Variants in PLPPR1 observed in about 807,000 individuals in gnomAD.
PLPPR1 encodes phospholipid phosphatase-related protein type 1.
PLPPR1 carries 10 observed loss-of-function variants against 33.1 expected under a neutral mutation model. That is an observed-to-expected ratio of 0.30 (90% confidence interval 0.19 to 0.51). The LOEUF is 0.51. Among genes scored for constraint, PLPPR1 ranks in the 20% least tolerant of loss-of-function variants. The pLI is 0.97. For synonymous variants in PLPPR1, 151 were observed against 151.0 expected (o/e 1.00, Z 0.00); for missense variants, 304 against 408.1 (o/e 0.74, Z 2.20).
intron 2 of PLPPR1, among the ~76,000 whole-genome samples, chr9:101,223,766 T>C (rs974588629): frequency 2.6e-5 from 4 of 152,132 alleles, no homozygotes; most frequent in African/African-American, 9.7e-5. Context: ...CATGCAGAAC[T>C]GAGTCAATTA....
At chr9:101,215,961 C>T (rs1826785985) in intron 2 of PLPPR1, among the ~76,000 whole-genome samples, 2 of 152,096 alleles carry the variant, frequency 1.3e-5, no homozygotes, top group Non-Finnish European at 2.9e-5. Flanking sequence ...AGGAGTGTAG[C>T]TATCTCTTTG....
At position 101,309,198 on chromosome 9, in the gene PLPPR1, A is replaced by C. The variant is rs1240216325; in HGVS notation, c.386-13A>C. 6.2e-7 allele frequency: 1 copy of C among 1,613,898 alleles called. No individual in the cohort carries two copies. Among genetic ancestry groups the C allele is most frequent in the South Asian group, 1.1e-5 (1 of 91,038 alleles). The stretch of plus-strand genomic sequence containing the variant: ...TATGTTACCATTCCTAATGATTTTA[A>C]ATCTTCTTATAGGGGTGTTTGCATT... On this transcript the variant is annotated splice_polypyrimidine_tract_variant and intron_variant, in intron 4 of 7. Coordinates refer to ENST00000374874, the MANE Select transcript of PLPPR1 (RefSeq NM_207299.2).
intron 5 of PLPPR1, among the ~76,000 whole-genome samples, chr9:101,309,837 C>T (rs1234793521): frequency 6.6e-6 from 1 of 152,080 alleles, no homozygotes; most frequent in Non-Finnish European, 1.5e-5. Context: ...TCAAGGTTTT[C>T]GTTGGTTTCG....
chr9:101,268,244 TAAAAATATACATAA>T (rs199632181), intron 2 of PLPPR1, among the ~76,000 whole-genome samples: 2,549 of 129,766 alleles, frequency 0.02, 29 homozygotes, highest in Middle Eastern at 0.094. Flanking sequence ...TAAAGTAAAA[TAAAAATATACATAA>T]AAAAAATAAA....
chr9:101,102,301 C>T (rs1205686616), intron 1 of PLPPR1, among the ~76,000 whole-genome samples: 7 of 112,394 alleles, frequency 6.2e-5, no homozygotes, highest in East Asian at 2.9e-4. Flanking sequence ...CCCCATCCCC[C>T]GACCCCACCA....
At chr9:101,132,704 T>C (rs567366250) in intron 1 of PLPPR1, among the ~76,000 whole-genome samples, 1 of 152,312 alleles carries the variant, frequency 6.6e-6, no homozygotes, top group East Asian at 1.9e-4. Flanking sequence ...GTTGCAATAC[T>C]GCACCACTCT....
At chr9:101,229,384 T>C (rs1191452781) in intron 2 of PLPPR1, among the ~76,000 whole-genome samples, 3 of 152,182 alleles carry the variant, frequency 2.0e-5, no homozygotes, top group Non-Finnish European at 4.4e-5. Flanking sequence ...TCCATGAGAA[T>C]ATACAAACTT....
chr9:101,059,718 C>A (rs1433939279), intron 1 of PLPPR1, among the ~76,000 whole-genome samples: 1 of 151,982 alleles, frequency 6.6e-6, no homozygotes, highest in East Asian at 1.9e-4. Context: ...TGACAAAATG[C>A]TGAATATCAC....
At position 101,271,230 on chromosome 9, in the gene PLPPR1, C is replaced by T. The variant is rs1406756028; in HGVS notation, c.252+1162C>T. 3.9e-5 allele frequency among the ~76,000 whole-genome samples: 6 copies of T among 152,298 alleles called. No individual in the cohort carries two copies. The East Asian group carries it at 1.2e-3, about 29-fold the overall frequency. On this transcript the variant is annotated intron_variant, in intron 3 of 7. Transcript: ENST00000374874. ...CTGCCTAACACACCTGGATTCACAT[C>T]CTGACTTTGGGCAAGTCACCTCACT...
At chr9:101,300,928 G>C (rs993179283) in intron 4 of PLPPR1, among the ~76,000 whole-genome samples, 3 of 152,220 alleles carry the variant, frequency 2.0e-5, no homozygotes, top group Admixed American at 2.0e-4. Context: ...GGTGGCAAGA[G>C]AGAAGGCTCA....
intron 2 of PLPPR1, among the ~76,000 whole-genome samples, chr9:101,228,320 C>T (rs1193670542): frequency 2.0e-5 from 3 of 152,132 alleles, no homozygotes; most frequent in Non-Finnish European, 4.4e-5. Flanking sequence ...TCAAATGCTC[C>T]TCGTACACAG....
intron 1 of PLPPR1, among the ~76,000 whole-genome samples, chr9:101,064,317 C>T (rs752460256): frequency 2.6e-5 from 4 of 151,850 alleles, no homozygotes; most frequent in Non-Finnish European, 5.9e-5. Flanking sequence ...CTAAACCTGG[C>T]TCAGAGTTTC....
chr9:101,093,564 C>G (rs955405368), intron 1 of PLPPR1, among the ~76,000 whole-genome samples: 1 of 152,216 alleles, frequency 6.6e-6, no homozygotes, highest in Admixed American at 6.5e-5. Flanking sequence ...TTTGATGCAT[C>G]TAGCAAACAT....
At position 101,233,580 on chromosome 9, in the gene PLPPR1, A is replaced by G. The variant is rs1223013108; in HGVS notation, c.64-36300A>G. Among the ~76,000 whole-genome samples, 3 of 151,980 alleles carry G rather than the reference A, an allele frequency of 2.0e-5. No homozygotes were observed. The East Asian group carries it at 5.8e-4, about 29-fold the overall frequency. ...GAGATGATTAGGCCATGAAGGCTCCACCTTCATGGGTGGGATTGGTGCATT... is the reference window on the plus strand; with the variant it reads ...GAGATGATTAGGCCATGAAGGCTCCGCCTTCATGGGTGGGATTGGTGCATT... On this transcript the variant is annotated intron_variant, in intron 2 of 7. Transcript: ENST00000374874.
intron 6 of PLPPR1, 43 bp from the exon 7 acceptor site, chr9:101,317,322 G>A: frequency 6.3e-7 from 1 of 1,588,968 alleles, no homozygotes; most frequent in Middle Eastern, 1.7e-4. Flanking sequence ...AGGCATTGAT[G>A]GCTGCAGTCT....
intron 1 of PLPPR1, among the ~76,000 whole-genome samples, chr9:101,139,428 C>T (rs117581184): frequency 0.032 from 4,801 of 152,262 alleles, 118 homozygotes; most frequent in Admixed American, 0.066. Flanking sequence ...ACTGGGCTTA[C>T]AGTTCTTTAC....
intron 1 of PLPPR1, among the ~76,000 whole-genome samples, chr9:101,171,541 T>C (rs1426235305): frequency 6.6e-6 from 1 of 152,160 alleles, no homozygotes; most frequent in East Asian, 1.9e-4. Flanking sequence ...AGAAGGGCAG[T>C]GCCAATGCCA....
At chr9:101,228,488 C>A (rs748376180) in intron 2 of PLPPR1, among the ~76,000 whole-genome samples, 1 of 151,856 alleles carries the variant, frequency 6.6e-6, no homozygotes, top group Admixed American at 6.6e-5. Flanking sequence ...CACTTAAAAG[C>A]GCGGTGTAAA....
At chr9:101,057,204 A>G (rs921756709) in intron 1 of PLPPR1, among the ~76,000 whole-genome samples, 3 of 152,218 alleles carry the variant, frequency 2.0e-5, no homozygotes, top group Non-Finnish European at 4.4e-5. Context: ...ATACATTACT[A>G]GCAAATGTTT....
Sources: allele counts gnomAD v4.1 joint callset (sites outside exome capture counted in the v4.1 genomes callset), GRCh38; gene constraint gnomAD v4.1.1; transcripts MANE v1.5; gene names NCBI Gene and HGNC (gene_info 2026-07-23, HGNC 2026-07-21).